Variants in GTF2F2 observed in about 807,000 individuals in gnomAD.
The protein encoded by GTF2F2 is ATP-dependent helicase GTF2F2.
A neutral mutation model predicts 42.2 loss-of-function variants in GTF2F2; 23 were observed. That is an observed-to-expected ratio of 0.55 (90% CI 0.39 to 0.77). The LOEUF (loss-of-function observed/expected upper bound fraction) is 0.77. GTF2F2 is among the 30% of genes least tolerant of loss of function. The pLI, the probability that GTF2F2 is intolerant of heterozygous loss-of-function variation, is 0.00. For missense variants in GTF2F2, 261 were observed against 287.2 expected (o/e 0.91, Z 0.66); for synonymous variants, 105 against 100.8 (o/e 1.04, Z -0.25).
intron 4 of GTF2F2, among the ~76,000 whole-genome samples, chr13:45,183,175 A>C (rs1197859418): frequency 6.6e-6 from 1 of 152,090 alleles, no homozygotes; most frequent in Non-Finnish European, 1.5e-5. Context: ...CTGCAGGCAA[A>C]TTGCTTAACT....
intron 7 of GTF2F2, among the ~76,000 whole-genome samples, chr13:45,269,148 C>T (rs1478828648): frequency 6.6e-6 from 1 of 152,112 alleles, no homozygotes; most frequent in Non-Finnish European, 1.5e-5. Context: ...CCTCAATAAG[C>T]ATAAGATTCC....
At chr13:45,146,441 G>A (rs1870198301) in intron 2 of GTF2F2, among the ~76,000 whole-genome samples, 2 of 152,142 alleles carry the variant, frequency 1.3e-5, no homozygotes, top group Non-Finnish European at 2.9e-5. Flanking sequence ...CAAGGCTGCA[G>A]TAAGCCATCA....
At chr13:45,159,432 CA>C (rs1359955780) in intron 4 of GTF2F2, among the ~76,000 whole-genome samples, 1 of 152,142 alleles carries the variant, frequency 6.6e-6, no homozygotes, top group Non-Finnish European at 1.5e-5. Flanking sequence ...ACTATGTTGC[CA>C]AGGCTGGAGC....
chr13:45,178,553 C>G (rs915320749), intron 4 of GTF2F2, among the ~76,000 whole-genome samples: 2 of 151,340 alleles, frequency 1.3e-5, no homozygotes, highest in African/African-American at 4.9e-5. Flanking sequence ...AATCTAGTTT[C>G]AAAGCTTCGT....
intron 4 of GTF2F2, among the ~76,000 whole-genome samples, chr13:45,174,455 A>G (rs78898854): frequency 0.027 from 4,136 of 152,190 alleles, 116 homozygotes; most frequent in East Asian, 0.077. Context: ...TTCTTCATCC[A>G]CAGAGAAAAC....
intron 4 of GTF2F2, among the ~76,000 whole-genome samples, chr13:45,196,715 A>G (rs775918251): frequency 3.3e-5 from 5 of 152,210 alleles, no homozygotes; most frequent in Non-Finnish European, 5.9e-5. Context: ...ATGTGGATAG[A>G]TACTATGTAC....
intron 6 of GTF2F2, among the ~76,000 whole-genome samples, chr13:45,253,652 G>A (rs1875967951): frequency 6.6e-6 from 1 of 152,170 alleles, no homozygotes; most frequent in African/African-American, 2.4e-5. Flanking sequence ...ATGAAACCTA[G>A]CACCATCTTG....
intron 1 of GTF2F2, among the ~76,000 whole-genome samples, chr13:45,130,818 A>G (rs1156532368): frequency 6.6e-6 from 1 of 152,176 alleles, no homozygotes; most frequent in Non-Finnish European, 1.5e-5. Context: ...TGCTTACTGA[A>G]TATTAAGATG....
chr13:45,215,190 GT>G (rs1444474346), intron 5 of GTF2F2, among the ~76,000 whole-genome samples: 1 of 152,166 alleles, frequency 6.6e-6, no homozygotes, highest in Non-Finnish European at 1.5e-5. Context: ...GACTTCAAAT[GT>G]TAAGGATGCT....
chr13:45,232,215 TAAA>T (rs1455660886), intron 5 of GTF2F2, among the ~76,000 whole-genome samples: 1 of 152,260 alleles, frequency 6.6e-6, no homozygotes, highest in Admixed American at 6.5e-5. Context: ...TTTTAGGAGT[TAAA>T]GAAGTTGATG....
intron 5 of GTF2F2, among the ~76,000 whole-genome samples, chr13:45,238,891 C>A (rs776769751): frequency 6.0e-5 from 9 of 149,716 alleles, no homozygotes; most frequent in Non-Finnish European, 1.2e-4. Context: ...TTGCGGTGAG[C>A]CGAGATGGCG....
rs939991733 is a variant in GTF2F2, at chr13:45,273,215, C to T, written c.630+5839C>T. Among the ~76,000 whole-genome samples, 11 of 150,498 alleles carry T rather than the reference C, an allele frequency of 7.3e-5. 1 individual carries two copies. The East Asian group carries it at 2.2e-3, about 30-fold the overall frequency. ...TGCTGGGATTACAGGTGTGAGCCAC[C>T]GTGCCCAGCCCACACCTGGCTAATT... On this transcript the variant is annotated intron_variant, in intron 7 of 7. Transcript: ENST00000340473.
At chr13:45,221,987 C>T (rs1226513020) in intron 5 of GTF2F2, among the ~76,000 whole-genome samples, 1 of 152,086 alleles carries the variant, frequency 6.6e-6, no homozygotes. Context: ...TTATATGGAA[C>T]CTCCTCAGAT....
chr13:45,208,030 G>A (rs1265963307), intron 5 of GTF2F2, among the ~76,000 whole-genome samples: 1 of 151,714 alleles, frequency 6.6e-6, no homozygotes. Flanking sequence ...TGGCTGAGGT[G>A]TGAGGATTGC....
chr13:45,227,007 G>A (rs1874391698), intron 5 of GTF2F2, among the ~76,000 whole-genome samples: 1 of 152,074 alleles, frequency 6.6e-6, no homozygotes, highest in Non-Finnish European at 1.5e-5. Context: ...AGGCCAAGGT[G>A]GGAGATCTCT....
At chr13:45,189,744 A>G (rs1872554662) in intron 4 of GTF2F2, among the ~76,000 whole-genome samples, 2 of 152,026 alleles carry the variant, frequency 1.3e-5, no homozygotes, top group Admixed American at 1.3e-4. Flanking sequence ...TATTTACAAT[A>G]CCATTCAGGA....
chr13:45,157,445 C>T (rs573097676), intron 4 of GTF2F2, among the ~76,000 whole-genome samples: 27 of 152,322 alleles, frequency 1.8e-4, no homozygotes, highest in African/African-American at 6.5e-4. Context: ...TAAAGACCTA[C>T]TCTGACTGGT....
At chr13:45,161,499 C>T (rs1380881987) in intron 4 of GTF2F2, among the ~76,000 whole-genome samples, 1 of 152,116 alleles carries the variant, frequency 6.6e-6, no homozygotes, top group East Asian at 1.9e-4. Flanking sequence ...AGGGGAACCT[C>T]ATGCGTAACA....
chr13:45,158,063 G>A (rs929091985), intron 4 of GTF2F2, among the ~76,000 whole-genome samples: 1 of 152,100 alleles, frequency 6.6e-6, no homozygotes, highest in East Asian at 1.9e-4. Flanking sequence ...TGTTTCTGTA[G>A]TAGGAATCAC....
Sources: gnomAD v4.1 joint callset for allele counts (sites outside exome capture counted in the v4.1 genomes callset) on GRCh38, gnomAD v4.1.1 for gene constraint, MANE v1.5 for transcripts, NCBI Gene and HGNC (gene_info 2026-07-23, HGNC 2026-07-21) for gene names.